Variants in CALN1 observed in about 807,000 individuals in gnomAD.
The protein encoded by CALN1 is calcium-binding protein 8.
CALN1 carries 17 observed loss-of-function variants against 30.6 expected under a neutral mutation model. The observed-to-expected ratio is 0.56, with a 90% confidence interval of 0.38 to 0.83. The LOEUF (loss-of-function observed/expected upper bound fraction) is 0.83, where lower values mean the gene tolerates loss of function less well. CALN1 is among the 40% of genes least tolerant of loss of function. The pLI is 0.00. For synonymous variants in CALN1, 156 were observed against 131.4 expected (o/e 1.19, Z -1.28); for missense variants, 291 against 354.9 (o/e 0.82, Z 1.45).
At position 71,783,263 on chromosome 7, in the gene CALN1, C is replaced by T. The variant is rs577570291; in HGVS notation, c.*4512G>A. 1 of 152,188 alleles carries T rather than the reference C, an allele frequency of 6.6e-6. No individual in the cohort carries two copies. Among genetic ancestry groups the T allele is most frequent in the Non-Finnish European group, 1.5e-5 (1 of 68,012 alleles). 9.4% of individuals were successfully genotyped at this position (152,188 alleles called of 1,614,324 possible). On this transcript the variant is annotated 3_prime_UTR_variant, in exon 7 of 7. Coordinates refer to ENST00000395275, the MANE Select transcript of CALN1 (RefSeq NM_031468.4). ...CAGCTCTGCAGACCTCCTGGTTATA[C>T]AACCAGGATGTGTGACGTGCTGAAG...
chr7:72,300,923 G>A (rs545177640), intron 2 of CALN1, among the ~76,000 whole-genome samples: 1 of 152,210 alleles, frequency 6.6e-6, no homozygotes, highest in Admixed American at 6.5e-5. Context: ...AACCCCCGAG[G>A]TTGGAGGTTG....
chr7:71,923,656 G>A (rs1229529676), intron 5 of CALN1, among the ~76,000 whole-genome samples: 1 of 152,112 alleles, frequency 6.6e-6, no homozygotes, highest in African/African-American at 2.4e-5. Context: ...TTAGAGCAAT[G>A]ACCTGGAGCA....
At chr7:72,021,001 T>C (rs190025704) in intron 5 of CALN1, among the ~76,000 whole-genome samples, 130 of 152,276 alleles carry the variant, frequency 8.5e-4, no homozygotes, top group Middle Eastern at 3.4e-3. Flanking sequence ...TCAGGTGCCA[T>C]GGCTCACTCC....
intron 3 of CALN1, among the ~76,000 whole-genome samples, chr7:72,189,093 G>A (rs1034171074): frequency 2.0e-5 from 3 of 152,208 alleles, no homozygotes; most frequent in East Asian, 3.8e-4. Flanking sequence ...CCAAAATTAA[G>A]AGACTCTTAA....
intron 3 of CALN1, among the ~76,000 whole-genome samples, chr7:72,170,776 T>C (rs79564371): frequency 2.0e-3 from 309 of 152,322 alleles, no homozygotes; most frequent in Non-Finnish European, 3.4e-3. Flanking sequence ...TGGTATATTC[T>C]ACCATAGATT....
chr7:72,177,520 T>C (rs1789443810), intron 3 of CALN1, among the ~76,000 whole-genome samples: 1 of 152,026 alleles, frequency 6.6e-6, no homozygotes, highest in Non-Finnish European at 1.5e-5. Flanking sequence ...ATCCCAGCAC[T>C]TGGGGAGGCT....
intron 3 of CALN1, among the ~76,000 whole-genome samples, chr7:72,129,153 CA>C (rs1172992701): frequency 6.6e-6 from 1 of 152,078 alleles, no homozygotes; most frequent in East Asian, 1.9e-4. Flanking sequence ...CAGAGAAATG[CA>C]AATTAAAAGT....
intron 3 of CALN1, among the ~76,000 whole-genome samples, chr7:72,278,150 G>A (rs191618874): frequency 6.6e-6 from 1 of 152,144 alleles, no homozygotes; most frequent in Admixed American, 6.6e-5. Flanking sequence ...AGCACCCAGG[G>A]CTGTACTGTG....
At chr7:71,931,602 G>A (rs535438063) in intron 5 of CALN1, among the ~76,000 whole-genome samples, 2 of 152,342 alleles carry the variant, frequency 1.3e-5, no homozygotes, top group South Asian at 4.1e-4. Context: ...ACGAAAACAG[G>A]TAGTGAGTTA....
At chr7:72,477,054 T>C in the CALN1 span, among the ~76,000 whole-genome samples, 4 of 152,080 alleles carry the variant, frequency 2.6e-5, no homozygotes, top group African/African-American at 9.7e-5. Flanking sequence ...CTACTAAAAA[T>C]ACAAAAACTA....
intron 5 of CALN1, among the ~76,000 whole-genome samples, chr7:71,971,973 G>GAAAC (rs1562946744): frequency 1.0e-5 from 1 of 96,870 alleles, no homozygotes; most frequent in South Asian, 3.7e-4. Flanking sequence ...AAGAAAGAAA[G>GAAAC]AAAGAAAGAA....
At chr7:71,856,226 T>C (rs554242156) in intron 5 of CALN1, among the ~76,000 whole-genome samples, 5 of 151,804 alleles carry the variant, frequency 3.3e-5, no homozygotes, top group South Asian at 2.1e-4. Context: ...AATATACATA[T>C]ACATATATTT....
At position 71,818,622 on chromosome 7, in the gene CALN1, A is replaced by C. The variant is rs1252463425; in HGVS notation, c.502-8130T>G. On this transcript the variant is annotated intron_variant, in intron 5 of 6. Transcript: ENST00000395275. ...TGTGCTCAAGTGATCCTACTGCCTC[A>C]ACTTCCCAAAATGCTGAGATTACAG... Among the ~76,000 whole-genome samples, 4 of 152,038 alleles carry C rather than the reference A, an allele frequency of 2.6e-5. No individual in the cohort carries two copies. The East Asian group carries it at 7.7e-4, about 29-fold the overall frequency.
At chr7:72,109,329 T>C (rs182647854) in intron 3 of CALN1, among the ~76,000 whole-genome samples, 2 of 152,266 alleles carry the variant, frequency 1.3e-5, no homozygotes, top group East Asian at 3.9e-4. Context: ...AGTTTGTTCA[T>C]GCGTAAAATG....
At chr7:72,447,684 G>T (rs1808569767), upstream of CALN1, among the ~76,000 whole-genome samples, 1 of 151,210 alleles carries the variant, frequency 6.6e-6, no homozygotes, top group African/African-American at 2.4e-5. Context: ...ACCCATGCCT[G>T]CCTATTATAC....
At chr7:72,373,011 T>C (rs774811925) in intron 2 of CALN1, among the ~76,000 whole-genome samples, 6 of 152,068 alleles carry the variant, frequency 3.9e-5, no homozygotes, top group Non-Finnish European at 8.8e-5. Context: ...TGGAGAACAC[T>C]TTTGAAAAGA....
At chr7:72,322,680 T>A (rs942899432) in intron 2 of CALN1, among the ~76,000 whole-genome samples, 1 of 151,776 alleles carries the variant, frequency 6.6e-6, no homozygotes, top group Admixed American at 6.6e-5. Context: ...AGTGGGGGAA[T>A]GTGGGGGATG....
chr7:72,107,805 A>G (rs10271380), intron 3 of CALN1, among the ~76,000 whole-genome samples: 7,731 of 152,242 alleles, frequency 0.051, 617 homozygotes, highest in African/African-American at 0.17. Context: ...ATTAATAAAT[A>G]CGGAAAAATA....
At chr7:72,455,617 C>T in the CALN1 span, among the ~76,000 whole-genome samples, 692 of 152,020 alleles carry the variant, frequency 4.6e-3, 5 homozygotes, top group Middle Eastern at 6.8e-3. Flanking sequence ...TGGTTCTCAT[C>T]GTGAGGACTG....
Sources: gnomAD v4.1 joint callset for allele counts (sites outside exome capture counted in the v4.1 genomes callset) on GRCh38, gnomAD v4.1.1 for gene constraint, MANE v1.5 for transcripts, NCBI Gene and HGNC (gene_info 2026-07-23, HGNC 2026-07-21) for gene names.